REC114: variants seen among roughly 807,000 people sequenced by gnomAD.
REC114 encodes meiotic recombination protein REC114.
Under a neutral mutation model 31.3 loss-of-function variants are expected in REC114, and 27 were observed. That is an observed-to-expected ratio of 0.86 (90% CI 0.64 to 1.19). The LOEUF is 1.19. REC114 is among the 50% of genes most tolerant of loss of function. The probability of loss-of-function intolerance (pLI) is 0.00; values close to 1 mark genes in which losing one functional copy is unlikely to be tolerated. For synonymous variants in REC114, 134 were observed against 127.7 expected, an observed-to-expected ratio of 1.05 and a Z score of -0.33; for missense variants, 344 against 326.9, an observed-to-expected ratio of 1.05 and a Z score of -0.40.
intron 2 of REC114, among the ~76,000 whole-genome samples, chr15:73,537,513 A>G: frequency 6.6e-6 from 1 of 152,222 alleles, no homozygotes; most frequent in Non-Finnish European, 1.5e-5. Flanking sequence ...CTCCAGCGAC[A>G]GTGGTCTCCT....
chr15:73,479,180 A>C (rs1449657911), intron 2 of REC114, among the ~76,000 whole-genome samples: 5 of 151,248 alleles, frequency 3.3e-5, no homozygotes, highest in Admixed American at 6.6e-5. Flanking sequence ...ATTAAATATA[A>C]TGTTAGCTGT....
At chr15:73,502,621 G>A (rs1893618082) in intron 2 of REC114, among the ~76,000 whole-genome samples, 1 of 152,116 alleles carries the variant, frequency 6.6e-6, no homozygotes, top group African/African-American at 2.4e-5. Flanking sequence ...TGAGGAGGAG[G>A]AGTAAGAGGA....
chr15:73,540,416 G>A, intron 2 of REC114, 69 bp from the exon 3 acceptor site: 1 of 1,071,212 alleles, frequency 9.3e-7, no homozygotes, highest in East Asian at 2.4e-5. Context: ...CTAACAGGAA[G>A]TAGCTGCAGC....
At chr15:73,542,594 G>A (rs758738566) in intron 3 of REC114, among the ~76,000 whole-genome samples, 7 of 152,238 alleles carry the variant, frequency 4.6e-5, no homozygotes, top group East Asian at 1.9e-4. Flanking sequence ...CTGCTTATGT[G>A]TCATGGACCA....
At chr15:73,461,922 C>CT (rs961387922) in intron 1 of REC114, among the ~76,000 whole-genome samples, 1,727 of 78,118 alleles carry the variant, frequency 0.022, 55 homozygotes, top group African/African-American at 0.037. Flanking sequence ...TTTTTCTTTT[C>CT]TTTTTTTTTT....
chr15:73,496,017 T>C (rs1256764278), intron 2 of REC114, among the ~76,000 whole-genome samples: 1 of 152,114 alleles, frequency 6.6e-6, no homozygotes, highest in African/African-American at 2.4e-5. Flanking sequence ...AGCAGCATAA[T>C]ATTTTTTTAT....
At chr15:73,483,032 G>A (rs928013532) in intron 2 of REC114, among the ~76,000 whole-genome samples, 1 of 151,768 alleles carries the variant, frequency 6.6e-6, no homozygotes, top group Non-Finnish European at 1.5e-5. Context: ...TTTTAAAATA[G>A]TATTGATCTT....
intron 2 of REC114, among the ~76,000 whole-genome samples, chr15:73,484,698 C>T (rs1384379624): frequency 6.6e-6 from 1 of 152,180 alleles, no homozygotes; most frequent in Admixed American, 6.5e-5. Context: ...TATTTCCAGC[C>T]ATTCCTTTTT....
chr15:73,494,646 G>T (rs1220238352), intron 2 of REC114, among the ~76,000 whole-genome samples: 4 of 152,086 alleles, frequency 2.6e-5, no homozygotes, highest in African/African-American at 9.7e-5. Flanking sequence ...TGTGACGTTT[G>T]GTTGTTCGTG....
chr15:73,448,646 T>G (rs904962014), intron 1 of REC114, among the ~76,000 whole-genome samples: 6 of 152,200 alleles, frequency 3.9e-5, no homozygotes, highest in Non-Finnish European at 7.3e-5. Context: ...GTTCGAACTC[T>G]GATAAGGAAC....
chr15:73,513,892 C>G (rs1232803045), intron 2 of REC114, among the ~76,000 whole-genome samples: 5 of 151,930 alleles, frequency 3.3e-5, no homozygotes, highest in Non-Finnish European at 1.5e-5. Context: ...TTACTGCTGT[C>G]TTTTTGTTTG....
chr15:73,553,941 A>G (rs963340606), intron 4 of REC114, among the ~76,000 whole-genome samples: 1 of 152,224 alleles, frequency 6.6e-6, no homozygotes, highest in African/African-American at 2.4e-5. Flanking sequence ...ATCTCACGGA[A>G]GCCAATTAGC....
intron 1 of REC114, among the ~76,000 whole-genome samples, chr15:73,463,783 T>C (rs1198188505): frequency 1.3e-5 from 2 of 151,788 alleles, no homozygotes; most frequent in East Asian, 3.9e-4. Context: ...ATCGTGCCAC[T>C]GCACTCCAGC....
At chr15:73,456,225 T>G (rs1463117499) in intron 1 of REC114, among the ~76,000 whole-genome samples, 1 of 152,170 alleles carries the variant, frequency 6.6e-6, no homozygotes, top group East Asian at 1.9e-4. Context: ...ATAAGTAGAC[T>G]AATTTGAAAG....
intron 1 of REC114, among the ~76,000 whole-genome samples, chr15:73,464,344 AATAT>A (rs1178514896): frequency 6.6e-6 from 1 of 151,848 alleles, no homozygotes; most frequent in East Asian, 1.9e-4. Flanking sequence ...GAAATACAGA[AATAT>A]ATATTTATTA....
At chr15:73,521,084 TAAAG>T (rs1373830141) in intron 2 of REC114, among the ~76,000 whole-genome samples, 5 of 152,168 alleles carry the variant, frequency 3.3e-5, no homozygotes, top group Admixed American at 2.6e-4. Flanking sequence ...GGCCAGAGTA[TAAAG>T]AAAGTCTTAG....
chr15:73,556,343 G>A lies in REC114; in HGVS notation c.588G>A (p.Ala196=), dbSNP rs369531036. The change falls in exon 5 of 6, where the codon GCG becomes GCA. Residue 196 remains alanine (A), a synonymous_variant. Coordinates refer to ENST00000331090, the MANE Select transcript of REC114 (RefSeq NM_001042367.2). ...HSEQQQVCVT[A]GTGAPDGRTS... is the part of the protein sequence containing the mutation. ...AACAACAGCAAGTGTGTGTAACAGC[G>A]GGCACAGGCGCTCCAGACGGAAGGA... is the stretch of plus-strand genomic sequence containing the variant. 6.3e-5 allele frequency: 101 copies of A among 1,613,662 alleles called. No homozygotes were observed. Among genetic ancestry groups the A allele is most frequent in the African/African-American group, 6.7e-5 (5 of 74,904 alleles).
intron 2 of REC114, among the ~76,000 whole-genome samples, chr15:73,512,460 G>T: frequency 5.6e-5 from 2 of 35,640 alleles, no homozygotes; most frequent in African/African-American, 3.9e-4. Flanking sequence ...AGTTAATATT[G>T]TTATGTGTGA....
intron 2 of REC114, among the ~76,000 whole-genome samples, chr15:73,531,855 A>G (rs939327652): frequency 6.6e-6 from 1 of 152,038 alleles, no homozygotes; most frequent in African/African-American, 2.4e-5. Context: ...CACCATTGAC[A>G]AGTTTCTCTG....
Sources: gnomAD v4.1 joint callset for allele counts (sites outside exome capture counted in the v4.1 genomes callset) on GRCh38, gnomAD v4.1.1 for gene constraint, MANE v1.5 for transcripts, NCBI Gene and HGNC (gene_info 2026-07-23, HGNC 2026-07-21) for gene names.